The following SLC30A8 variants were observed in gnomAD, a reference collection of about 807,000 sequenced individuals.
The protein encoded by SLC30A8 is solute carrier family 30 member 8.
SLC30A8 carries 27 observed loss-of-function variants against 36.9 expected under a neutral mutation model. That is an observed-to-expected ratio of 0.73 (90% CI 0.54 to 1.01). The LOEUF is 1.01. Among genes scored for constraint, SLC30A8 ranks in the 50% least tolerant of loss-of-function variants. SLC30A8 has a pLI of 0.00. For synonymous variants in SLC30A8, 164 were observed against 172.4 expected (o/e 0.95, Z 0.38); for missense variants, 439 against 452.0 (o/e 0.97, Z 0.26).
At chr8:117,015,697 G>A (rs1054818432) in intron 1 of SLC30A8, among the ~76,000 whole-genome samples, 5 of 152,060 alleles carry the variant, frequency 3.3e-5, no homozygotes, top group African/African-American at 1.2e-4. Context: ...ATCTGTCTTA[G>A]GATCAGTGTT....
chr8:117,040,834 C>A lies in SLC30A8; in HGVS notation c.-226+1576C>A, dbSNP rs190890952. Among the ~76,000 whole-genome samples, 14 of 152,242 alleles carry A rather than the reference C, an allele frequency of 9.2e-5. No homozygotes were observed. In the East Asian group the frequency reaches 2.7e-3, roughly 29 times the overall value. On this transcript the variant is annotated intron_variant, in intron 2 of 10. Coordinates refer to the SLC30A8 transcript ENST00000427715. Reference sequence around the variant, plus strand: ...ATAGCATCATCTAGAAGCTTCTTAGCAATGCCGAGTTTTAACCCCTATACA... The same window carrying A: ...ATAGCATCATCTAGAAGCTTCTTAGAAATGCCGAGTTTTAACCCCTATACA...
At chr8:117,124,330 A>G (rs1457995062) in intron 2 of SLC30A8, among the ~76,000 whole-genome samples, 1 of 151,952 alleles carries the variant, frequency 6.6e-6, no homozygotes, top group Non-Finnish European at 1.5e-5. Flanking sequence ...CAAATGAGCA[A>G]CAGATCTCAG....
intron 2 of SLC30A8, among the ~76,000 whole-genome samples, chr8:117,127,923 C>A (rs993576109): frequency 6.6e-6 from 1 of 152,024 alleles, no homozygotes; most frequent in Non-Finnish European, 1.5e-5. Context: ...GTATATCACC[C>A]AGTACCAATG....
chr8:117,156,865 C>T (rs1174082190), intron 3 of SLC30A8, among the ~76,000 whole-genome samples: 5 of 152,142 alleles, frequency 3.3e-5, no homozygotes, highest in Non-Finnish European at 7.3e-5. Flanking sequence ...CATTACTCTG[C>T]TTTAAAAGGA....
At position 116,962,846 on chromosome 8, in the gene SLC30A8, C is replaced by T. The variant is rs115521936; in HGVS notation, c.-266+11727C>T. Reference sequence around the variant, plus strand: ...TAACAGGTTAATAATTTGGGAGCAGCGTATGGTTATCATTTTAACATATAA... The same window carrying T: ...TAACAGGTTAATAATTTGGGAGCAGTGTATGGTTATCATTTTAACATATAA... On this transcript the variant is annotated intron_variant, in intron 1 of 10. Transcript: ENST00000427715. 4.6e-3 allele frequency among the ~76,000 whole-genome samples: 700 copies of T among 151,924 alleles called. 5 individuals carry two copies. The highest frequency in any genetic ancestry group is 0.014 in the African/African-American group (569 of 41,458).
chr8:117,161,479 T>C (rs1174389133), intron 4 of SLC30A8, among the ~76,000 whole-genome samples: 1 of 152,204 alleles, frequency 6.6e-6, no homozygotes, highest in Non-Finnish European at 1.5e-5. Context: ...TGCTTTCCAG[T>C]TTCAACATGA....
intron 2 of SLC30A8, among the ~76,000 whole-genome samples, chr8:117,098,982 A>G (rs115252249): frequency 0.012 from 1,778 of 152,252 alleles, 54 homozygotes; most frequent in African/African-American, 0.04. Context: ...TTAGTGGAAA[A>G]TGATTGCATA....
intron 2 of SLC30A8, among the ~76,000 whole-genome samples, chr8:117,114,685 T>A (rs1443704229): frequency 2.6e-5 from 4 of 151,518 alleles, no homozygotes; most frequent in African/African-American, 9.7e-5. Context: ...GACTGGAGTC[T>A]ACTGAGAGAA....
At chr8:117,139,196 C>T (rs920493146) in intron 1 of SLC30A8, among the ~76,000 whole-genome samples, 1 of 151,988 alleles carries the variant, frequency 6.6e-6, no homozygotes, top group East Asian at 1.9e-4. Flanking sequence ...TGTTTATGTC[C>T]CCCACAATTA....
intron 2 of SLC30A8, among the ~76,000 whole-genome samples, chr8:117,096,175 C>T (rs181956646): frequency 5.8e-4 from 88 of 152,260 alleles, no homozygotes; most frequent in African/African-American, 1.7e-3. Context: ...GCTCTTTCCA[C>T]GAGCATTATT....
intron 2 of SLC30A8, among the ~76,000 whole-genome samples, chr8:117,071,788 A>G (rs1277543459): frequency 3.3e-5 from 5 of 152,182 alleles, no homozygotes. Flanking sequence ...ATCATGTTAA[A>G]TGAAAGTTTA....
chr8:117,067,269 C>G lies in SLC30A8; in HGVS notation c.-226+28011C>G, dbSNP rs559333336. On this transcript the variant is annotated intron_variant, in intron 2 of 10. Transcript: ENST00000427715. Reference sequence around the variant, plus strand: ...ATTTGGGTGGGGACACAGAGCCAAACCATAACATTGACTCTACTGGATTTT... The same window carrying G: ...ATTTGGGTGGGGACACAGAGCCAAAGCATAACATTGACTCTACTGGATTTT... 2.0e-5 allele frequency among the ~76,000 whole-genome samples: 3 copies of G among 152,094 alleles called. No individual in the cohort carries two copies. The South Asian group carries it at 6.2e-4, about 32-fold the overall frequency.
At chr8:116,970,261 G>A (rs930106299) in intron 1 of SLC30A8, among the ~76,000 whole-genome samples, 1 of 152,120 alleles carries the variant, frequency 6.6e-6, no homozygotes, top group Non-Finnish European at 1.5e-5. Context: ...TGTCCCACTG[G>A]AAGGACTTTA....
intron 2 of SLC30A8, among the ~76,000 whole-genome samples, chr8:117,058,698 C>G (rs902983989): frequency 6.6e-6 from 1 of 152,154 alleles, no homozygotes; most frequent in Non-Finnish European, 1.5e-5. Flanking sequence ...ACTAAGAATG[C>G]TTTTTAAAAT....
intron 1 of SLC30A8, among the ~76,000 whole-genome samples, chr8:117,025,207 T>G (rs1157884474): frequency 2.0e-5 from 3 of 152,194 alleles, no homozygotes; most frequent in Non-Finnish European, 4.4e-5. Flanking sequence ...GTGTGCTCCA[T>G]GAAACACTAG....
intron 1 of SLC30A8, among the ~76,000 whole-genome samples, chr8:117,138,808 A>G (rs1821489329): frequency 6.6e-6 from 1 of 151,884 alleles, no homozygotes; most frequent in African/African-American, 2.4e-5. Flanking sequence ...GCTCCAGGAG[A>G]AGTAGGTCAC....
At chr8:117,005,929 C>A (rs1003339467) in intron 1 of SLC30A8, among the ~76,000 whole-genome samples, 33 of 152,134 alleles carry the variant, frequency 2.2e-4, no homozygotes, top group African/African-American at 7.5e-4. Flanking sequence ...CTTAAAACAA[C>A]CTCAGAAAGT....
chr8:116,971,590 ATT>A (rs778149961), intron 1 of SLC30A8, among the ~76,000 whole-genome samples: 2,240 of 147,320 alleles, frequency 0.015, 62 homozygotes, highest in African/African-American at 0.052. Flanking sequence ...TAGAGGAAAC[ATT>A]TTTTTTTTTT....
At chr8:117,158,685 G>A (rs1179008533) in intron 4 of SLC30A8, among the ~76,000 whole-genome samples, 1 of 152,174 alleles carries the variant, frequency 6.6e-6, no homozygotes, top group Non-Finnish European at 1.5e-5. Context: ...CAGGCAATGG[G>A]GTTTTGAGGC....
Sources: gnomAD v4.1 joint callset for allele counts (sites outside exome capture counted in the v4.1 genomes callset) on GRCh38, gnomAD v4.1.1 for gene constraint, MANE v1.5 for transcripts, NCBI Gene and HGNC (gene_info 2026-07-23, HGNC 2026-07-21) for gene names.